IL1RAPL1: variants seen among roughly 807,000 people sequenced by gnomAD.
The protein encoded by IL1RAPL1 is interleukin 1 receptor accessory protein like 1.
Under a neutral mutation model 48.4 loss-of-function variants are expected in IL1RAPL1, and 3 were observed. The observed-to-expected ratio is 0.06, with a 90% CI of 0.03 to 0.16. The LOEUF (loss-of-function observed/expected upper bound fraction) is 0.16, where lower values mean the gene tolerates loss of function less well. Ranked by LOEUF, IL1RAPL1 falls within the 10% of genes least tolerant of loss-of-function variation. IL1RAPL1 has a pLI of 1.00. For synonymous variants in IL1RAPL1, 185 were observed against 187.7 expected (o/e 0.99, Z 0.12); for missense variants, 349 against 530.6 (o/e 0.66, Z 3.36).
At chrX:29,353,427 G>A (rs1933260242) in intron 3 of IL1RAPL1, among the ~76,000 whole-genome samples, 1 of 111,572 alleles carries the variant, frequency 9.0e-6, no homozygotes, top group Non-Finnish European at 1.9e-5. Flanking sequence ...ATGAACATTT[G>A]ACTATAGACC....
intron 2 of IL1RAPL1, among the ~76,000 whole-genome samples, chrX:28,803,038 G>A (rs944763004): frequency 5.4e-5 from 6 of 111,178 alleles, no homozygotes; most frequent in African/African-American, 2.0e-4. Flanking sequence ...TAATAGAAAT[G>A]TTCATTGAGA....
chrX:29,136,072 C>G (rs1232229278), intron 2 of IL1RAPL1, among the ~76,000 whole-genome samples: 1 of 109,855 alleles, frequency 9.1e-6, no homozygotes, highest in African/African-American at 3.3e-5. Context: ...TTTAAATTAT[C>G]TACGTAATGT....
intron 5 of IL1RAPL1, among the ~76,000 whole-genome samples, chrX:29,523,771 A>T (rs1038761587): frequency 1.8e-5 from 2 of 111,768 alleles, no homozygotes; most frequent in African/African-American, 6.5e-5. Flanking sequence ...GGCATCATGC[A>T]TTCCTAAAAT....
At chrX:29,334,741 C>T (rs1417022617) in intron 3 of IL1RAPL1, among the ~76,000 whole-genome samples, 1 of 113,299 alleles carries the variant, frequency 8.8e-6, no homozygotes, top group East Asian at 2.8e-4. Context: ...AGACGCTCCT[C>T]ACTTCCTAGA....
chrX:29,158,847 G>A (rs1929617279), intron 2 of IL1RAPL1, among the ~76,000 whole-genome samples: 1 of 109,560 alleles, frequency 9.1e-6, no homozygotes, highest in South Asian at 3.9e-4. Context: ...AGAATGAGTA[G>A]CACGTTGCGC....
intron 5 of IL1RAPL1, among the ~76,000 whole-genome samples, chrX:29,632,104 T>C (rs1281492700): frequency 9.0e-6 from 1 of 111,108 alleles, no homozygotes; most frequent in Non-Finnish European, 1.9e-5. Context: ...CTCAAACATG[T>C]ATTTCCTCAG....
chrX:29,484,384 C>T (rs1179997649), intron 5 of IL1RAPL1, among the ~76,000 whole-genome samples: 9 of 111,456 alleles, frequency 8.1e-5, no homozygotes. Context: ...TTATCTAATC[C>T]TAATTACCTC....
chrX:29,184,762 A>G (rs1235941895), intron 2 of IL1RAPL1, among the ~76,000 whole-genome samples: 2 of 111,597 alleles, frequency 1.8e-5, no homozygotes, highest in Non-Finnish European at 3.8e-5. Context: ...CGGCTTCCCA[A>G]AGTGCTAGGA....
intron 5 of IL1RAPL1, among the ~76,000 whole-genome samples, chrX:29,544,243 T>G (rs1921534676): frequency 8.9e-6 from 1 of 111,934 alleles, no homozygotes. Context: ...GGTACCTAGT[T>G]TTCAGTTAAT....
chrX:29,870,790 G>A (rs1931785662), intron 6 of IL1RAPL1, among the ~76,000 whole-genome samples: 1 of 112,096 alleles, frequency 8.9e-6, no homozygotes, highest in African/African-American at 3.2e-5. Context: ...TATTCCATAA[G>A]CAAGAAGGAA....
intron 1 of IL1RAPL1, among the ~76,000 whole-genome samples, chrX:28,696,911 T>C (rs1935238026): frequency 9.0e-6 from 1 of 111,538 alleles, no homozygotes; most frequent in Admixed American, 9.6e-5. Context: ...TCCTTAAATA[T>C]ATGTCCTTAA....
At chrX:28,873,796 G>A (rs1453536419) in intron 2 of IL1RAPL1, among the ~76,000 whole-genome samples, 2 of 109,361 alleles carry the variant, frequency 1.8e-5, no homozygotes, top group African/African-American at 6.7e-5. Context: ...CTCCCAAAGT[G>A]CTGGGATTAC....
intron 6 of IL1RAPL1, among the ~76,000 whole-genome samples, chrX:29,802,763 A>ATATATATATATATATGTGTGTG (rs1569172594): frequency 5.4e-4 from 13 of 23,883 alleles, no homozygotes; most frequent in African/African-American, 2.6e-3. Context: ...ATATATATAT[A>ATATATATATATATATGTGTGTG]TATATATATA....
chrX:29,409,996 A>G (rs781092524), intron 5 of IL1RAPL1, among the ~76,000 whole-genome samples: 9 of 109,518 alleles, frequency 8.2e-5, no homozygotes, highest in African/African-American at 2.0e-4. Flanking sequence ...CTAATTTTTT[A>G]TTTTTAGTAG....
chrX:29,559,034 T>C (rs1390967083), intron 5 of IL1RAPL1, among the ~76,000 whole-genome samples: 2 of 112,167 alleles, frequency 1.8e-5, no homozygotes, highest in Admixed American at 1.9e-4. Context: ...TACATATGAA[T>C]TTGGGGAAAT....
intron 2 of IL1RAPL1, among the ~76,000 whole-genome samples, chrX:28,929,512 T>G (rs1923826885): frequency 8.9e-6 from 1 of 112,012 alleles, no homozygotes; most frequent in South Asian, 3.7e-4. Context: ...GTAACTGTTC[T>G]GAGAAACATG....
At position 29,086,727 on chromosome X, in the gene IL1RAPL1, G is replaced by A. The variant is rs757663749; in HGVS notation, c.83-196211G>A. ...CCTGGCTAGAAGTGTCATAAATGGT[G>A]AAGGGTCTTGACACAATACCATGTG... On this transcript the variant is annotated intron_variant, in intron 2 of 10. Transcript: ENST00000378993. Among the ~76,000 whole-genome samples the A allele has an allele frequency of 2.1e-3, 235 of 112,128 alleles. 2 individuals carry two copies. Among genetic ancestry groups the A allele is most frequent in the African/African-American group, 6.9e-3 (214 of 30,884 alleles).
chrX:29,271,543 AAAT>A (rs1441880623), intron 2 of IL1RAPL1, among the ~76,000 whole-genome samples: 1 of 111,896 alleles, frequency 8.9e-6, no homozygotes, highest in African/African-American at 3.2e-5. Context: ...TTTAACTTTT[AAAT>A]AATAACCATT....
chrX:29,290,147 C>A (rs149244628), intron 3 of IL1RAPL1, among the ~76,000 whole-genome samples: 1,444 of 111,539 alleles, frequency 0.013, 66 homozygotes, highest in Admixed American at 0.12. Flanking sequence ...AGTAGTTTAC[C>A]TAAGAGAAAA....
Sources: gnomAD v4.1 joint callset for allele counts (sites outside exome capture counted in the v4.1 genomes callset) on GRCh38, gnomAD v4.1.1 for gene constraint, MANE v1.5 for transcripts, NCBI Gene and HGNC (gene_info 2026-07-23, HGNC 2026-07-21) for gene names.